DNAH10: variants seen among roughly 807,000 people sequenced by gnomAD.
DNAH10 encodes dynein axonemal heavy chain 10.
In DNAH10, 348 loss-of-function variants were observed where a neutral mutation model predicts 506.6. The observed-to-expected ratio is 0.69, with a 90% CI of 0.63 to 0.75. The LOEUF is 0.75. Among genes scored for constraint, DNAH10 ranks in the 30% least tolerant of loss-of-function variants. The probability of loss-of-function intolerance (pLI) is 0.00; values close to 1 mark genes in which losing one functional copy is unlikely to be tolerated. For missense variants in DNAH10, 5,179 were observed against 5,787.1 expected (o/e 0.89, Z 3.41); for synonymous variants, 2,059 against 2,198.6 (o/e 0.94, Z 1.78).
At chr12:123,871,977 C>A (rs2136977322) in intron 45 of DNAH10, among the ~76,000 whole-genome samples, 1 of 152,300 alleles carries the variant, frequency 6.6e-6, no homozygotes, top group South Asian at 2.1e-4. Context: ...TATGACCTGG[C>A]CTTGGAAGTC....
rs948480909 is a variant in DNAH10, at chr12:123,768,067, A to G, written c.298+378A>G. ...CATCATCACTCCAGTCTCTACATCC[A>G]TCGTCACATGGCCTTGTCCCCTCTG... On this transcript the variant is annotated intron_variant, in intron 2 of 78. Coordinates refer to ENST00000673944, the MANE Select transcript of DNAH10 (RefSeq NM_001372106.1). Among the ~76,000 whole-genome samples the G allele has an allele frequency of 2.6e-4, 39 of 151,734 alleles. 1 individual carries two copies. Among genetic ancestry groups the G allele is most frequent in the African/African-American group, 8.7e-4 (36 of 41,300 alleles).
In DNAH10 at chr12:123,934,502, T is replaced by C. The variant is rs755808761; in HGVS notation, c.13478-119T>C. 4.7e-5 allele frequency: 59 copies of C among 1,246,152 alleles called. No homozygotes were observed. In the African/African-American group the frequency reaches 8.3e-4, roughly 18 times the overall value. The allele number at this position is 1,246,152 out of a possible 1,614,324, so 77.2% of individuals were successfully genotyped here. On this transcript the variant is annotated intron_variant, in intron 77 of 78. Transcript: ENST00000673944. ...GGAGAAGGGCCTGGGCTGTCCCCAA[T>C]GCGCTGGGGAGGAGGCCAGCCAGTG...
At chr12:123,915,221 G>T (rs776763069) in intron 62 of DNAH10, among the ~76,000 whole-genome samples, 24 of 152,054 alleles carry the variant, frequency 1.6e-4, no homozygotes, top group African/African-American at 5.6e-4. Context: ...CTCTCCCCTC[G>T]CAGGCTGTGA....
At chr12:123,886,100 G>A (rs181816150) in intron 51 of DNAH10, among the ~76,000 whole-genome samples, 26 of 152,258 alleles carry the variant, frequency 1.7e-4, no homozygotes, top group Admixed American at 1.4e-3. Flanking sequence ...AAATATAACT[G>A]TTTGCAATTG....
In DNAH10 at chr12:123,784,491, G is replaced by A. The variant is rs1957777008; in HGVS notation, c.1230+314G>A. Among the ~76,000 whole-genome samples the A allele has an allele frequency of 2.6e-5, 4 of 152,124 alleles. 1 individual carries two copies. The highest frequency in any genetic ancestry group is 9.7e-5 in the African/African-American group (4 of 41,406). On this transcript the variant is annotated intron_variant, in intron 8 of 78. Transcript: ENST00000673944. Reference sequence around the variant, plus strand: ...GAGCCTGGGAGATGGAGGTTGCAGTGAGCCAAGATTGCGCCACTACACTCC... The same window carrying A: ...GAGCCTGGGAGATGGAGGTTGCAGTAAGCCAAGATTGCGCCACTACACTCC...
At chr12:123,862,943 G>A (rs1442766025) in intron 39 of DNAH10, among the ~76,000 whole-genome samples, 1 of 152,092 alleles carries the variant, frequency 6.6e-6, no homozygotes. Flanking sequence ...GAGAGAGTGC[G>A]AATGTGGCAA....
chr12:123,839,488 A>G (rs1950689794), intron 29 of DNAH10, among the ~76,000 whole-genome samples: 1 of 152,140 alleles, frequency 6.6e-6, no homozygotes. Flanking sequence ...TTTATAAAGT[A>G]CTTTGAACAG....
chr12:123,783,014 C>A, intron 6 of DNAH10, 93 bp from the exon 7 acceptor site: 1 of 1,225,854 alleles, frequency 8.2e-7, no homozygotes. Flanking sequence ...ACTGATGAAG[C>A]TTGAGAGACG....
chr12:123,777,884 A>G (rs1957499608), intron 5 of DNAH10, among the ~76,000 whole-genome samples: 1 of 152,048 alleles, frequency 6.6e-6, no homozygotes, highest in Non-Finnish European at 1.5e-5. Context: ...GCTGGTCTCA[A>G]ACTCCTGGGC....
At chr12:123,845,567 T>A (rs1435550049) in intron 30 of DNAH10, 33 bp from the exon 31 acceptor site, 1 of 1,607,892 alleles carries the variant, frequency 6.2e-7, no homozygotes, top group East Asian at 2.2e-5. Flanking sequence ...CCCGGATTGA[T>A]CAGAGCCTCT....
At chr12:123,910,754 A>G in intron 59 of DNAH10, 82 bp downstream of exon 59, 1 of 1,520,578 alleles carries the variant, frequency 6.6e-7, no homozygotes, top group Non-Finnish European at 8.8e-7. Context: ...ACCTTTGCTG[A>G]AAAACTTCTC....
intron 29 of DNAH10, among the ~76,000 whole-genome samples, chr12:123,839,824 A>G (rs1950704542): frequency 6.6e-6 from 1 of 151,984 alleles, no homozygotes; most frequent in East Asian, 1.9e-4. Context: ...CACTGTCATG[A>G]ATTTGTTATG....
In DNAH10 at chr12:123,893,229, C is replaced by A; in HGVS notation, c.8996-4C>A. Reference sequence around the variant, plus strand: ...GAGATCACCAGCATGTCTTCCTTTTCCAGGAATTGTACCTGCGCTTTTTTC... The same window carrying A: ...GAGATCACCAGCATGTCTTCCTTTTACAGGAATTGTACCTGCGCTTTTTTC... On this transcript the variant is annotated splice_region_variant and splice_polypyrimidine_tract_variant and intron_variant, in intron 52 of 78. Coordinates refer to ENST00000673944, the MANE Select transcript of DNAH10 (RefSeq NM_001372106.1). The A allele has an allele frequency of 6.2e-7, 1 of 1,613,754 alleles. No individual in the cohort carries two copies. Among genetic ancestry groups the A allele is most frequent in the Non-Finnish European group, 8.5e-7 (1 of 1,179,750 alleles).
chr12:123,870,988 G>A (rs1329680780), intron 44 of DNAH10, among the ~76,000 whole-genome samples: 2 of 152,148 alleles, frequency 1.3e-5, no homozygotes, highest in Non-Finnish European at 2.9e-5. Context: ...ATTTCACAAA[G>A]CATGTGTCTG....
Position 123,898,599 on chromosome 12 carries a change from G to A in DNAH10, c.9479-54G>A, listed in dbSNP as rs956417634. On this transcript the variant is annotated intron_variant, in intron 55 of 78. Transcript: ENST00000673944. ...TGAAGTTAGGCAAATCTCAGTGATT[G>A]TGTTGCGAACAGTGGCCACCTCGAC... 6.2e-6 allele frequency: 9 copies of A among 1,441,472 alleles called. No individual in the cohort carries two copies. In the African/African-American group the frequency reaches 1.2e-4, roughly 19 times the overall value. The allele number at this position is 1,441,472 out of a possible 1,614,324, so 89.3% of individuals were successfully genotyped here. A position where few individuals can be genotyped will look rare whatever the true frequency, so the allele number is the denominator to read the frequency against.
At position 123,898,751 on chromosome 12, in the gene DNAH10, C is replaced by T. The variant is rs748191267; in HGVS notation, c.9577C>T (p.Leu3193=). The T allele has an allele frequency of 1.2e-6, 2 of 1,612,292 alleles. No individual in the cohort carries two copies. The highest frequency in any genetic ancestry group is 1.7e-6 in the Non-Finnish European group (2 of 1,179,326). ...GAAGCTGGCCGAGCAGAAGATCGTGCTGGCGGAGAAGTCCGCCGCCTGCGA... is the reference window on the plus strand; with the variant it reads ...GAAGCTGGCCGAGCAGAAGATCGTGTTGGCGGAGAAGTCCGCCGCCTGCGA... The part of the protein sequence containing the change: ...NQKLAEQKIV[L]AEKSAACEAL... The change falls in exon 56 of 79, where the codon CTG becomes TTG. Residue 3193 remains leucine, a synonymous_variant. Coordinates refer to ENST00000673944, the MANE Select transcript of DNAH10 (RefSeq NM_001372106.1).
intron 51 of DNAH10, among the ~76,000 whole-genome samples, chr12:123,883,588 C>T (rs1166109143): frequency 6.6e-6 from 1 of 152,216 alleles, no homozygotes; most frequent in African/African-American, 2.4e-5. Context: ...GCATGATACA[C>T]ATGCATGCTT....
Position 123,913,823 on chromosome 12 carries a change from G to C in DNAH10, c.10353-506G>C, listed in dbSNP as rs1282261526. ...GGCAACAATTTTGAATCTAGCATCT[G>C]TAAGTGTGGTGTAGAAAACACTGAA... On this transcript the variant is annotated intron_variant, in intron 60 of 78. Coordinates refer to ENST00000673944, the MANE Select transcript of DNAH10 (RefSeq NM_001372106.1). The surrounding 1 kb of genome is among the most constrained non-coding windows in gnomAD (Gnocchi z 5.1). Among the ~76,000 whole-genome samples the C allele has an allele frequency of 6.6e-6, 1 of 152,236 alleles. No individual in the cohort carries two copies. The highest frequency in any genetic ancestry group is 1.5e-5 in the Non-Finnish European group (1 of 68,044).
intron 53 of DNAH10, 49 bp downstream of exon 53, chr12:123,893,485 G>A (rs1953080977): frequency 1.9e-6 from 3 of 1,605,108 alleles, no homozygotes; most frequent in Non-Finnish European, 1.7e-6. Context: ...TTGGCAGAGT[G>A]TGTGGCTGAG....
Sources: allele counts gnomAD v4.1 joint callset (sites outside exome capture counted in the v4.1 genomes callset), GRCh38; gene constraint gnomAD v4.1.1; non-coding constraint Gnocchi (gnomAD v3.1); transcripts MANE v1.5; gene names NCBI Gene and HGNC (gene_info 2026-07-23, HGNC 2026-07-21).